Variants in ZNF423 observed in about 807,000 individuals in gnomAD.
ZNF423 encodes the protein Ebf-associated zinc finger protein.
A neutral mutation model predicts 95.8 loss-of-function variants in ZNF423; 12 were observed. The observed-to-expected ratio is 0.13, with a 90% confidence interval of 0.08 to 0.20. The LOEUF is 0.20. Among genes scored for constraint, ZNF423 ranks in the 10% least tolerant of loss-of-function variants. The pLI, the probability that ZNF423 is intolerant of heterozygous loss-of-function variation, is 1.00. For synonymous variants in ZNF423, 749 were observed against 711.9 expected, an observed-to-expected ratio of 1.05 and a Z score of -0.83; for missense variants, 1,316 against 1,737.1, an observed-to-expected ratio of 0.76 and a Z score of 4.31.
intron 5 of ZNF423, among the ~76,000 whole-genome samples, chr16:49,577,631 G>A (rs1282729916): frequency 6.6e-6 from 1 of 152,194 alleles, no homozygotes; most frequent in Non-Finnish European, 1.5e-5. Context: ...CAGCAGGTAA[G>A]TGCAGGAGGA....
intron 3 of ZNF423, among the ~76,000 whole-genome samples, chr16:49,685,805 C>T (rs1413059553): frequency 6.6e-6 from 1 of 152,120 alleles, no homozygotes; most frequent in Non-Finnish European, 1.5e-5. Context: ...AAGACCCCCA[C>T]CACCCACACT....
chr16:49,807,451 A>G (rs1427463070), intron 1 of ZNF423, among the ~76,000 whole-genome samples: 6 of 152,052 alleles, frequency 3.9e-5, no homozygotes, highest in Non-Finnish European at 8.8e-5. Context: ...AAAAAATACA[A>G]AATAAAAGCC....
At chr16:49,673,378 A>G (rs1248786633) in intron 3 of ZNF423, among the ~76,000 whole-genome samples, 2 of 152,190 alleles carry the variant, frequency 1.3e-5, no homozygotes, top group African/African-American at 4.8e-5. Context: ...TCTATTACCA[A>G]ATAATTACAT....
intron 2 of ZNF423, among the ~76,000 whole-genome samples, chr16:49,733,924 A>T (rs2033226589): frequency 6.6e-6 from 1 of 152,208 alleles, no homozygotes; most frequent in Non-Finnish European, 1.5e-5. Flanking sequence ...AAGACAAAAG[A>T]ATAAATGGTG....
chr16:49,769,181 C>A (rs1349903761), intron 2 of ZNF423, among the ~76,000 whole-genome samples: 1 of 152,064 alleles, frequency 6.6e-6, no homozygotes, highest in Non-Finnish European at 1.5e-5. Context: ...CATGGCAAAA[C>A]CCCATCTCTA....
chr16:49,716,505 T>C (rs1417286980), intron 3 of ZNF423, among the ~76,000 whole-genome samples: 1 of 152,186 alleles, frequency 6.6e-6, no homozygotes, highest in African/African-American at 2.4e-5. Context: ...AGCCAAATCC[T>C]AGCCAGTCAA....
intron 3 of ZNF423, among the ~76,000 whole-genome samples, chr16:49,660,689 C>T (rs956435132): frequency 3.3e-5 from 5 of 152,132 alleles, no homozygotes; most frequent in African/African-American, 1.2e-4. Flanking sequence ...TTTGAAAGAG[C>T]CTCTTGGAGC....
In ZNF423 at chr16:49,637,369, G is replaced by T. The variant is rs1202114756; in HGVS notation, c.1807C>A (p.His603Asn). 6.2e-7 allele frequency: 1 copy of T among 1,614,218 alleles called. No homozygotes were observed. Among genetic ancestry groups the T allele is most frequent in the East Asian group, 2.2e-5 (1 of 44,882 alleles). ...TGCTCGGCCTTGGACTTCTTGCTGT[G>T]GGCCAGTGGAATGTTCTTGTGGTTC... ...KENHKNIPLA[H>N]SKKSKAEQSP... The change falls in exon 4 of 8, where the codon CAC becomes AAC. Residue 603 changes from histidine to asparagine, a missense_variant. Physicochemically the swap from His to Asn is moderately conservative, Grantham distance 68. This residue lies in a region of ZNF423 where 620 missense variants were observed against 775.6 expected (regional missense o/e 0.80). Coordinates refer to ENST00000563137, the MANE Select transcript of ZNF423 (RefSeq NM_001379286.1). The surrounding 1 kb of genome is among the most constrained non-coding windows in gnomAD (Gnocchi z 5.6).
chr16:49,595,753 A>T (rs1971160529), intron 5 of ZNF423, among the ~76,000 whole-genome samples: 1 of 152,206 alleles, frequency 6.6e-6, no homozygotes, highest in African/African-American at 2.4e-5. Flanking sequence ...AAACCTCTAT[A>T]GTATTTTGTC....
chr16:49,707,311 C>T (rs528595827), intron 3 of ZNF423, among the ~76,000 whole-genome samples: 2 of 152,218 alleles, frequency 1.3e-5, no homozygotes, highest in African/African-American at 4.8e-5. Flanking sequence ...TGGGGAGAAC[C>T]TATATACAGA....
chr16:49,585,599 C>T (rs187790351), intron 5 of ZNF423, among the ~76,000 whole-genome samples: 9 of 152,336 alleles, frequency 5.9e-5, no homozygotes, highest in Non-Finnish European at 8.8e-5. Context: ...ACTGTTGAGT[C>T]TAATGTTATA....
chr16:49,799,290 G>C (rs567379388), intron 1 of ZNF423, among the ~76,000 whole-genome samples: 112 of 152,318 alleles, frequency 7.4e-4, no homozygotes, highest in African/African-American at 2.6e-3. Flanking sequence ...ATGTTACTGG[G>C]ATAATTCAAG....
intron 1 of ZNF423, among the ~76,000 whole-genome samples, chr16:49,809,845 A>G (rs2034723911): frequency 6.6e-6 from 1 of 152,084 alleles, no homozygotes; most frequent in Non-Finnish European, 1.5e-5. Context: ...TCCACCCGGG[A>G]GCTCTTAGCA....
intron 5 of ZNF423, among the ~76,000 whole-genome samples, chr16:49,536,880 G>A (rs1306635810): frequency 6.6e-6 from 1 of 152,240 alleles, no homozygotes; most frequent in Admixed American, 6.5e-5. Flanking sequence ...CAGGCAAGGT[G>A]AGGGCAGGGG....
At chr16:49,751,229 T>G (rs935316924) in intron 2 of ZNF423, among the ~76,000 whole-genome samples, 10 of 152,182 alleles carry the variant, frequency 6.6e-5, no homozygotes, top group Non-Finnish European at 1.3e-4. Flanking sequence ...TTATTTTTGT[T>G]GTTGTTGTAT....
chr16:49,507,782 G>A (rs1597017845), intron 7 of ZNF423, among the ~76,000 whole-genome samples: 1 of 152,192 alleles, frequency 6.6e-6, no homozygotes, highest in African/African-American at 2.4e-5. Context: ...TGGTTGCAGA[G>A]GCACCAATGA....
At chr16:49,622,892 A>C (rs1231690389) in intron 5 of ZNF423, among the ~76,000 whole-genome samples, 8 of 152,178 alleles carry the variant, frequency 5.3e-5, no homozygotes. Flanking sequence ...TCTTTGCTGC[A>C]TGCTATGTGC....
chr16:49,848,014 G>T (rs1196437115), intron 1 of ZNF423, among the ~76,000 whole-genome samples: 2 of 152,022 alleles, frequency 1.3e-5, no homozygotes, highest in African/African-American at 4.8e-5. Context: ...TGAGGTGAGA[G>T]GACTGCTTGA....
intron 3 of ZNF423, among the ~76,000 whole-genome samples, chr16:49,708,541 C>G (rs1017856238): frequency 1.3e-5 from 2 of 152,104 alleles, no homozygotes; most frequent in South Asian, 2.1e-4. Flanking sequence ...CTGCCCGTCT[C>G]GGCTTCCCAA....
Sources: allele counts gnomAD v4.1 joint callset (sites outside exome capture counted in the v4.1 genomes callset), GRCh38; gene constraint gnomAD v4.1.1; regional missense constraint gnomAD v4.1.1; non-coding constraint Gnocchi (gnomAD v3.1); transcripts MANE v1.5; gene names NCBI Gene and HGNC (gene_info 2026-07-23, HGNC 2026-07-21).